CHRNB3: variants seen among roughly 807,000 people sequenced by gnomAD.
The protein encoded by CHRNB3 is cholinergic receptor nicotinic beta 3 subunit.
In CHRNB3, 37 loss-of-function variants were observed where a neutral mutation model predicts 40.6. That is an observed-to-expected ratio of 0.91 (90% CI 0.70 to 1.20). The LOEUF (loss-of-function observed/expected upper bound fraction) is 1.20. CHRNB3 is among the 50% of genes most tolerant of loss of function. The pLI, the probability that CHRNB3 is intolerant of heterozygous loss-of-function variation, is 0.00. For missense variants in CHRNB3, 505 were observed against 551.2 expected, an observed-to-expected ratio of 0.92 and a Z score of 0.84; for synonymous variants, 207 against 207.1, an observed-to-expected ratio of 1.00 and a Z score of 0.00.
intron 3 of CHRNB3, among the ~76,000 whole-genome samples, chr8:42,712,730 A>G (rs1816037364): frequency 6.6e-6 from 1 of 152,196 alleles, no homozygotes. Context: ...GAAATCCTAT[A>G]TTCAAGTTTG....
intron 3 of CHRNB3, among the ~76,000 whole-genome samples, chr8:42,718,960 G>A (rs911952059): frequency 3.3e-5 from 5 of 152,092 alleles, no homozygotes; most frequent in Non-Finnish European, 5.9e-5. Context: ...ATTTGGCTCT[G>A]ACATATCCTG....
chr8:42,735,961 G>T (rs1299707363), intron 5 of CHRNB3, among the ~76,000 whole-genome samples: 3 of 152,136 alleles, frequency 2.0e-5, no homozygotes, highest in African/African-American at 7.2e-5. Context: ...TGTCTCCTGG[G>T]TTCAAGCAAT....
intron 3 of CHRNB3, among the ~76,000 whole-genome samples, chr8:42,710,663 C>T (rs1816000535): frequency 1.3e-5 from 2 of 152,136 alleles, no homozygotes; most frequent in African/African-American, 4.8e-5. Flanking sequence ...TAGAGCTGCT[C>T]GTGGAGCAGG....
At chr8:42,718,149 G>C (rs62518186) in intron 3 of CHRNB3, among the ~76,000 whole-genome samples, 8,688 of 151,890 alleles carry the variant, frequency 0.057, 334 homozygotes, top group Middle Eastern at 0.11. Context: ...AATAACAAAT[G>C]ACATTTCTTG....
chr8:42,701,976 A>G (rs895750513), intron 1 of CHRNB3, among the ~76,000 whole-genome samples: 41 of 152,222 alleles, frequency 2.7e-4, no homozygotes, highest in Admixed American at 2.7e-3. Context: ...CTTGGAATCA[A>G]GACCAGAACC....
Position 42,711,846 on chromosome 8 carries a change from C to T in CHRNB3, c.249+1412C>T, listed in dbSNP as rs564824141. 1.1e-4 allele frequency among the ~76,000 whole-genome samples: 17 copies of T among 151,430 alleles called. No homozygotes were observed. The East Asian group carries it at 3.1e-3, about 28-fold the overall frequency. On this transcript the variant is annotated intron_variant, in intron 3 of 5. Transcript: ENST00000289957. Reference sequence around the variant, plus strand: ...TTTCAACTTATTCCCCTCCCTTCCTCCTTCCCTCCCTTCCCCTTCATCTCT... The same window carrying T: ...TTTCAACTTATTCCCCTCCCTTCCTTCTTCCCTCCCTTCCCCTTCATCTCT...
At chr8:42,730,763 A>G in intron 4 of CHRNB3, 60 bp downstream of exon 4, 1 of 1,198,306 alleles carries the variant, frequency 8.3e-7, no homozygotes, top group Non-Finnish European at 1.2e-6. Flanking sequence ...AAAAGTGAAA[A>G]AAAGGCTGGG....
At chr8:42,708,265 G>A (rs925467328) in intron 1 of CHRNB3, among the ~76,000 whole-genome samples, 25 of 152,284 alleles carry the variant, frequency 1.6e-4, no homozygotes, top group Non-Finnish European at 2.9e-4. Context: ...AGGAGATCGA[G>A]ACCATCCTGG....
At chr8:42,718,865 G>A (rs79103618) in intron 3 of CHRNB3, among the ~76,000 whole-genome samples, 8,705 of 152,062 alleles carry the variant, frequency 0.057, 328 homozygotes, top group Middle Eastern at 0.11. Context: ...ATTTGATATG[G>A]ATTTGAAATT....
chr8:42,714,464 G>A (rs1290342745), intron 3 of CHRNB3, among the ~76,000 whole-genome samples: 2 of 151,880 alleles, frequency 1.3e-5, no homozygotes, highest in African/African-American at 2.4e-5. Flanking sequence ...CAGCCTGGAC[G>A]ACAGAGCAAG....
chr8:42,734,259 C>CA (rs769371275), intron 5 of CHRNB3, among the ~76,000 whole-genome samples: 7,876 of 23,096 alleles, frequency 0.34, 1,902 homozygotes, highest in African/African-American at 0.47. Flanking sequence ...GACTCCATCT[C>CA]AAAAAAAAAA....
chr8:42,706,717 C>A (rs1211084791), intron 1 of CHRNB3, among the ~76,000 whole-genome samples: 1 of 152,102 alleles, frequency 6.6e-6, no homozygotes, highest in Non-Finnish European at 1.5e-5. Flanking sequence ...GCTCCCAGTG[C>A]TGCTCTTGGT....
At chr8:42,703,399 G>A (rs1459538810) in intron 1 of CHRNB3, among the ~76,000 whole-genome samples, 2 of 101,494 alleles carry the variant, frequency 2.0e-5, no homozygotes, top group African/African-American at 5.6e-5. Context: ...CCTTCAGCCG[G>A]GGTGACAGAG....
At chr8:42,734,391 C>G (rs1476231096) in intron 5 of CHRNB3, among the ~76,000 whole-genome samples, 1 of 151,264 alleles carries the variant, frequency 6.6e-6, no homozygotes, top group East Asian at 1.9e-4. Context: ...GTGCCAAGAG[C>G]CTGATCCCGT....
rs79205530 is a variant in CHRNB3, at chr8:42,710,962, C to T, written c.249+528C>T. Among the ~76,000 whole-genome samples the T allele has an allele frequency of 4.7e-3, 722 of 152,250 alleles. 4 individuals are homozygous for T. The highest frequency in any genetic ancestry group is 0.017 in the African/African-American group (691 of 41,532). ...GAAGCCCAAAACAAAATGATGAATACGTGTTTTCCTGACATCACTGAAAAT... is the reference window on the plus strand; with the variant it reads ...GAAGCCCAAAACAAAATGATGAATATGTGTTTTCCTGACATCACTGAAAAT... On this transcript the variant is annotated intron_variant, in intron 3 of 5. Coordinates refer to ENST00000289957, the MANE Select transcript of CHRNB3 (RefSeq NM_000749.5).
chr8:42,717,919 G>A (rs1324441714), intron 3 of CHRNB3, among the ~76,000 whole-genome samples: 3 of 137,108 alleles, frequency 2.2e-5, no homozygotes, highest in African/African-American at 5.5e-5. Context: ...CACAACCTCC[G>A]CCTCCCGGAT....
At chr8:42,702,116 G>C (rs1352533766) in intron 1 of CHRNB3, among the ~76,000 whole-genome samples, 1 of 152,108 alleles carries the variant, frequency 6.6e-6, no homozygotes, top group African/African-American at 2.4e-5. Flanking sequence ...CTCTCCCAGA[G>C]CCTGTCCCAG....
chr8:42,701,421 G>A (rs959772837), intron 1 of CHRNB3, among the ~76,000 whole-genome samples: 1 of 151,730 alleles, frequency 6.6e-6, no homozygotes, highest in East Asian at 1.9e-4. Context: ...GCATGCTCCT[G>A]TAGTCGCAGC....
chr8:42,732,623 A>G (rs973021173), intron 5 of CHRNB3, 74 bp downstream of exon 5: 2 of 1,351,390 alleles, frequency 1.5e-6, no homozygotes, highest in African/African-American at 2.9e-5. Flanking sequence ...ATCTGTTTAC[A>G]ATAAAATATT....
Sources: gnomAD v4.1 joint callset for allele counts (sites outside exome capture counted in the v4.1 genomes callset) on GRCh38, gnomAD v4.1.1 for gene constraint, MANE v1.5 for transcripts, NCBI Gene and HGNC (gene_info 2026-07-23, HGNC 2026-07-21) for gene names.